MTMR4: variants seen among roughly 807,000 people sequenced by gnomAD.
The protein encoded by MTMR4 is myotubularin related protein 4.
A neutral mutation model predicts 125.5 loss-of-function variants in MTMR4; 30 were observed. The ratio of observed to expected loss-of-function variants is 0.24; its 90% CI spans 0.18 to 0.32. MTMR4 has a LOEUF of 0.32. MTMR4 is among the 10% of genes least tolerant of loss of function. The pLI is 1.00. For missense variants in MTMR4, 1,039 were observed against 1,511.5 expected (o/e 0.69, Z 5.18); for synonymous variants, 498 against 564.5 (o/e 0.88, Z 1.67).
chr17:58,512,132 C>T lies in MTMR4; in HGVS notation c.252+258G>A, dbSNP rs1975947222. Among the ~76,000 whole-genome samples, 1 of 152,026 alleles carries T rather than the reference C, an allele frequency of 6.6e-6. No individual in the cohort carries two copies. Among genetic ancestry groups the T allele is most frequent in the East Asian group, 1.9e-4 (1 of 5,194 alleles). Reference sequence around the variant, plus strand: ...CCCCGAGTAGGTGGGATTACAGGTGCGCACCACCAAGCCCGACTAATTTTT... The same window carrying T: ...CCCCGAGTAGGTGGGATTACAGGTGTGCACCACCAAGCCCGACTAATTTTT... On this transcript the variant is annotated intron_variant, in intron 3 of 17. Transcript: ENST00000682306. This position sits in a 1 kb window ranked among gnomAD's most constrained non-coding sequence, Gnocchi z 4.1.
chr17:58,517,174 C>G (rs2068710), upstream of MTMR4, among the ~76,000 whole-genome samples: 128,054 of 152,262 alleles, frequency 0.84, 54,096 homozygotes, highest in East Asian at 1. Flanking sequence ...CACAGGTCCT[C>G]CTGAGTGTAT....
At chr17:58,494,036 C>T (rs1376851406) in intron 15 of MTMR4, among the ~76,000 whole-genome samples, 1 of 151,970 alleles carries the variant, frequency 6.6e-6, no homozygotes, top group Non-Finnish European at 1.5e-5. Context: ...ACTGTTGGGC[C>T]GGGCGCAGTG....
At chr17:58,507,426 A>C in intron 7 of MTMR4, 107 bp from the exon 8 acceptor site, 46 of 939,398 alleles carry the variant, frequency 4.9e-5, no homozygotes, top group Non-Finnish European at 6.7e-5. Flanking sequence ...CTACCAACTC[A>C]TCCAGGCCAT....
chr17:58,507,110 A>G lies in MTMR4; in HGVS notation c.904+13T>C. 1 of 1,614,066 alleles carries G rather than the reference A, an allele frequency of 6.2e-7. No homozygotes were observed. The highest frequency in any genetic ancestry group is 8.5e-7 in the Non-Finnish European group (1 of 1,179,970). Reference sequence around the variant, plus strand: ...GCCTGCTCCCTGGGGGGTTAGCATCATCCACACCTTACCAAAGTCAGCATC... The same window carrying G: ...GCCTGCTCCCTGGGGGGTTAGCATCGTCCACACCTTACCAAAGTCAGCATC... On this transcript the variant is annotated intron_variant, in intron 8 of 17. Coordinates refer to ENST00000682306, the MANE Select transcript of MTMR4 (RefSeq NM_001378067.1).
intron 14 of MTMR4, among the ~76,000 whole-genome samples, chr17:58,499,034 T>TAC (rs1975547898): frequency 6.6e-6 from 1 of 152,120 alleles, no homozygotes; most frequent in South Asian, 2.1e-4. Flanking sequence ...AGCTACCCTG[T>TAC]ACTCACTGAT....
chr17:58,495,150 G>T lies in MTMR4; in HGVS notation c.3034C>A (p.Leu1012Met), dbSNP rs746414030. ...GGAGGCACTGGAGAAGGGCAGTTCA[G>T]TGGAACGGGCTTTGTGCTAGAGACT... ...KQVSSTKPVP[L>M]NCPSPVPPLY... The change falls in exon 15 of 18, where the codon CTG becomes ATG. Residue 1012 changes from leucine (L) to methionine (M), a missense_variant. Transcript: ENST00000682306. 1.9e-6 allele frequency: 3 copies of T among 1,614,266 alleles called. No individual in the cohort carries two copies. The South Asian group carries it at 3.3e-5, about 18-fold the overall frequency.
intron 1 of MTMR4, among the ~76,000 whole-genome samples, chr17:58,513,681 C>T (rs551314686): frequency 1.3e-5 from 2 of 151,882 alleles, no homozygotes; most frequent in African/African-American, 4.8e-5. Flanking sequence ...GCCAGGAGAC[C>T]CAAGGACAGC....
Position 58,503,803 on chromosome 17 carries a change from C to T in MTMR4, c.1794G>A (p.Met598Ile), listed in dbSNP as rs1016954635. The T allele has an allele frequency of 2.5e-6, 4 of 1,614,134 alleles. No individual in the cohort carries two copies. The highest frequency in any genetic ancestry group is 3.4e-6 in the Non-Finnish European group (4 of 1,180,022). The change falls in exon 14 of 18, where the codon ATG becomes ATA. Residue 598 changes from methionine (M) to isoleucine (I), a missense_variant. Met to Ile is a conservative substitution (Grantham distance 10). Coordinates refer to ENST00000682306, the MANE Select transcript of MTMR4 (RefSeq NM_001378067.1). Reference protein sequence around the residue: ...SSPCTLGEENMDLYLSPVAQS... With the variant: ...SSPCTLGEENIDLYLSPVAQS... ...GGGCCACTGGGGAAAGGTAAAGATC[C>T]ATGTTTTCTTCCCCAAGTGTGCATG...
rs763368918 is a variant in MTMR4, at chr17:58,495,928, C to T, written c.2256G>A (p.Gln752=). ...CATCTAAAGTCCTACCCAGCTCATC[C>T]TGGGCAGAAGGGTCTGGAGCTGGTC... ...TKGPAPDPSA[Q]DELGRTLDGI... is the part of the protein sequence containing the mutation. The change falls in exon 15 of 18, where the codon CAG becomes CAA. Residue 752 remains glutamine (Q), a synonymous_variant. Transcript: ENST00000682306. 5 of 1,614,068 alleles carry T rather than the reference C, an allele frequency of 3.1e-6. No homozygotes were observed. In the South Asian group the frequency reaches 4.4e-5, roughly 14 times the overall value.
intron 14 of MTMR4, among the ~76,000 whole-genome samples, chr17:58,501,064 G>T (rs1975611329): frequency 6.7e-6 from 1 of 148,934 alleles, no homozygotes; most frequent in African/African-American, 2.5e-5. Flanking sequence ...TTTGGGGAAG[G>T]AAAAAAAAAA....
rs1210831074 is a variant in MTMR4 at position 58,492,616 on chromosome 17, A to G, written c.3364-17T>C. 2.5e-6 allele frequency: 4 copies of G among 1,612,104 alleles called. No individual in the cohort carries two copies. The highest frequency in any genetic ancestry group is 3.4e-6 in the Non-Finnish European group (4 of 1,178,526). On this transcript the variant is annotated splice_polypyrimidine_tract_variant and intron_variant, in intron 16 of 17. Transcript: ENST00000682306. ...GCGAGTCACCTAATAGAAGGCACAA[A>G]GAAAAATTCCTGGTCCTTGTTGACA...
rs1460271169 is a variant in MTMR4 at position 58,512,824 on chromosome 17, T to C, written c.135+28A>G. The C allele has an allele frequency of 6.3e-7, 1 of 1,585,292 alleles. No individual in the cohort carries two copies. The highest frequency in any genetic ancestry group is 1.7e-5 in the Admixed American group (1 of 59,494). On this transcript the variant is annotated intron_variant, in intron 2 of 17. Coordinates refer to ENST00000682306, the MANE Select transcript of MTMR4 (RefSeq NM_001378067.1). The surrounding 1 kb of genome is among the most constrained non-coding windows in gnomAD (Gnocchi z 4.1). ...TTTTTTAACTGGGCAGGGAGCCCCA[T>C]CTATCCTGGCCCCCAACTCCTCCTT... is the stretch of plus-strand genomic sequence containing the variant.
At chr17:58,514,670 C>A, upstream of MTMR4, 2 of 985,218 alleles carry the variant, frequency 2.0e-6, no homozygotes, top group South Asian at 4.7e-5. Context: ...GGGACCGCGG[C>A]GGGAAGGCGG....
chr17:58,510,522 G>C (rs772399351), intron 4 of MTMR4: 2 of 152,184 alleles, frequency 1.3e-5, no homozygotes, highest in Non-Finnish European at 2.9e-5. Context: ...ATCCAGGCTG[G>C]AGTGCAGTGG....
intron 14 of MTMR4, among the ~76,000 whole-genome samples, chr17:58,496,566 C>T (rs1975472506): frequency 6.6e-6 from 1 of 152,186 alleles, no homozygotes; most frequent in South Asian, 2.1e-4. Flanking sequence ...AAAAATCTAT[C>T]CTCAGCTTTT....
chr17:58,506,281 C>A (rs967599984), intron 9 of MTMR4, among the ~76,000 whole-genome samples: 6 of 152,178 alleles, frequency 3.9e-5, no homozygotes, highest in African/African-American at 1.4e-4. Flanking sequence ...GTCCCAGATG[C>A]AAGCGATTCT....
intron 4 of MTMR4, 62 bp downstream of exon 4, chr17:58,511,367 C>A (rs1269334426): frequency 3.6e-6 from 5 of 1,386,338 alleles, no homozygotes; most frequent in Admixed American, 3.9e-5. Context: ...AGAAACCCTG[C>A]AGCACAGAGA....
chr17:58,500,911 A>G (rs1048697715), intron 14 of MTMR4, among the ~76,000 whole-genome samples: 2 of 152,164 alleles, frequency 1.3e-5, no homozygotes, highest in Non-Finnish European at 2.9e-5. Context: ...TTAAAGAAAC[A>G]TTTGTTGAAT....
At position 58,506,782 on chromosome 17, in the gene MTMR4, C is replaced by T. The variant is rs764783146; in HGVS notation, c.994G>A (p.Val332Met). 2.5e-6 allele frequency: 4 copies of T among 1,614,088 alleles called. No individual in the cohort carries two copies. The highest frequency in any genetic ancestry group is 3.4e-6 in the Non-Finnish European group (4 of 1,180,016). ...CCTCCACCCTTGGCCCGGTTGGCCA[C>T]TGCTGCCGTGTAGGATCGCGCATCC... ...ILDARSYTAA[V>M]ANRAKGGGCE... The change falls in exon 9 of 18, where the codon GTG (valine) becomes ATG (methionine). Residue 332 changes from valine to methionine, a missense_variant. Val to Met is a conservative substitution (Grantham distance 21, BLOSUM62 1). This residue lies in a region of MTMR4 where 107 missense variants were observed against 267.4 expected (regional missense o/e 0.40). Coordinates refer to ENST00000682306, the MANE Select transcript of MTMR4 (RefSeq NM_001378067.1).
Sources: gnomAD v4.1 joint callset for allele counts (sites outside exome capture counted in the v4.1 genomes callset) on GRCh38, gnomAD v4.1.1 for gene constraint, gnomAD v4.1.1 regional missense constraint, Gnocchi (gnomAD v3.1) non-coding constraint, MANE v1.5 for transcripts, NCBI Gene and HGNC (gene_info 2026-07-23, HGNC 2026-07-21) for gene names.